The following NFE2L1 variants were observed in gnomAD, a reference collection of about 807,000 sequenced individuals.
NFE2L1 encodes endoplasmic reticulum membrane sensor NFE2L1.
In NFE2L1, 18 loss-of-function variants were observed where a neutral mutation model predicts 61.6. The observed-to-expected ratio is 0.29, with a 90% CI of 0.20 to 0.43. The LOEUF (loss-of-function observed/expected upper bound fraction) is 0.43, where lower values mean the gene tolerates loss of function less well. Ranked by LOEUF, NFE2L1 falls within the 20% of genes least tolerant of loss-of-function variation. NFE2L1 has a pLI of 1.00. For missense variants in NFE2L1, 827 were observed against 973.5 expected (o/e 0.85, Z 2.00); for synonymous variants, 419 against 402.7 (o/e 1.04, Z -0.48).
Position 48,059,359 on chromosome 17 carries a change from C to T in NFE2L1, c.2037C>T (p.Ile679=). ...QNCRKRKLDT[I]LNLERDVEDL... ...GCCGCAAGCGCAAGCTGGACACCAT[C>T]CTGAATCTGGAGCGTGATGTGGAGG... Residue 679 remains isoleucine, a synonymous_variant, in exon 6 of 6, where the codon ATC becomes ATT. Coordinates refer to ENST00000362042, the MANE Select transcript of NFE2L1 (RefSeq NM_003204.3). This position sits in a 1 kb window ranked among gnomAD's most constrained non-coding sequence, Gnocchi z 6.1. 2 of 1,614,198 alleles carry T rather than the reference C, an allele frequency of 1.2e-6. No individual in the cohort carries two copies. Among genetic ancestry groups the T allele is most frequent in the Admixed American group, 3.3e-5 (2 of 60,020 alleles).
At chr17:48,053,195 G>A (rs764409154) in intron 2 of NFE2L1, among the ~76,000 whole-genome samples, 20 of 152,126 alleles carry the variant, frequency 1.3e-4, no homozygotes, top group Non-Finnish European at 2.6e-4. Context: ...GTTCCTGCTG[G>A]GATGGGATGG....
In NFE2L1 at chr17:48,056,579, G is replaced by C; in HGVS notation, c.704G>C (p.Gly235Ala). ...AACCTGCTAGTGGATGGAGAGACTGGGGAGAGCTTCCCTGCACAGGTACCA... is the reference window on the plus strand; with the variant it reads ...AACCTGCTAGTGGATGGAGAGACTGCGGAGAGCTTCCCTGCACAGGTACCA... The part of the protein sequence containing the change: ...ARNLLVDGET[G>A]ESFPAQVPSG... Residue 235 changes from glycine (G) to alanine (A), a missense_variant, in exon 3 of 6, where the codon GGG becomes GCG. By Grantham distance (60) the Gly-to-Ala change is moderately conservative. This residue lies in a region of NFE2L1 where 667 missense variants were observed against 748.4 expected (regional missense o/e 0.89). Transcript: ENST00000362042. 9 of 1,613,246 alleles carry C rather than the reference G, an allele frequency of 5.6e-6. No homozygotes were observed. Among genetic ancestry groups the C allele is most frequent in the Non-Finnish European group, 6.8e-6 (8 of 1,179,888 alleles).
chr17:48,056,978 G>GC, intron 3 of NFE2L1, 54 bp from the exon 4 acceptor site: 2 of 1,576,514 alleles, frequency 1.3e-6, no homozygotes, highest in South Asian at 2.3e-5. Context: ...AGAAGCTTCA[G>GC]CCCCAGGCAG....
chr17:48,056,959 T>C (rs1243860344), intron 3 of NFE2L1, 73 bp from the exon 4 acceptor site: 1 of 1,488,846 alleles, frequency 6.7e-7, no homozygotes, highest in East Asian at 2.3e-5. Flanking sequence ...GCTTCAGCCA[T>C]TCTGGGAAAG....
At chr17:48,050,217 G>A (rs967974054) in intron 1 of NFE2L1, among the ~76,000 whole-genome samples, 12 of 152,188 alleles carry the variant, frequency 7.9e-5, no homozygotes, top group African/African-American at 2.2e-4. Context: ...AGTGGCTCAC[G>A]CCTGTGATCC....
In NFE2L1 at chr17:48,060,715, C is replaced by T. The variant is rs2037531611; in HGVS notation, c.*1074C>T. ...AGCACAACACTGGGGAGTCACCCTT[C>T]CCTCGGGCCTCTGCCTACCAACAAC... On this transcript the variant is annotated 3_prime_UTR_variant, in exon 6 of 6. Coordinates refer to ENST00000362042, the MANE Select transcript of NFE2L1 (RefSeq NM_003204.3). The T allele has an allele frequency of 6.5e-6, 1 of 152,686 alleles. No homozygotes were observed. The highest frequency in any genetic ancestry group is 2.1e-4 in the South Asian group (1 of 4,828). 9.5% of individuals were successfully genotyped at this position (152,686 alleles called of 1,614,324 possible).
At chr17:48,050,106 C>A (rs1835241386) in intron 1 of NFE2L1, among the ~76,000 whole-genome samples, 1 of 152,226 alleles carries the variant, frequency 6.6e-6, no homozygotes, top group African/African-American at 2.4e-5. Flanking sequence ...CAGTAGCTTT[C>A]TTTGATAGTT....
chr17:48,056,075 G>A (rs542723185), intron 2 of NFE2L1: 1 of 334,214 alleles, frequency 3.0e-6, no homozygotes, highest in Admixed American at 4.4e-5. Flanking sequence ...TCTTATGTAG[G>A]GGGGAGGCGG....
At chr17:48,057,750 C>G (rs1301099880) in intron 5 of NFE2L1, among the ~76,000 whole-genome samples, 1 of 152,190 alleles carries the variant, frequency 6.6e-6, no homozygotes, top group Admixed American at 6.5e-5. Context: ...CTGGGTGTGC[C>G]TTCTTCCTTT....
chr17:48,049,544 C>T (rs2037191973), intron 1 of NFE2L1, among the ~76,000 whole-genome samples: 1 of 152,202 alleles, frequency 6.6e-6, no homozygotes, highest in African/African-American at 2.4e-5. Flanking sequence ...AGGCATGCGC[C>T]ACCACGCCCG....
At chr17:48,050,153 C>T (rs904858608) in intron 1 of NFE2L1, among the ~76,000 whole-genome samples, 1 of 151,866 alleles carries the variant, frequency 6.6e-6, no homozygotes, top group African/African-American at 2.4e-5. Flanking sequence ...GGTTTTTTTT[C>T]TGAGAGTGTA....
intron 5 of NFE2L1, among the ~76,000 whole-genome samples, 169 bp from the exon 6 acceptor site, chr17:48,058,126 C>G (rs1383852333): frequency 6.6e-6 from 1 of 152,154 alleles, no homozygotes; most frequent in Non-Finnish European, 1.5e-5. Flanking sequence ...CCCATCTCTG[C>G]CAGGCCTGGT....
rs139971038 is a variant in NFE2L1 at position 48,053,204 on chromosome 17, G to T, written c.510+1576G>T. Among the ~76,000 whole-genome samples the T allele has an allele frequency of 6.6e-5, 10 of 152,244 alleles. No homozygotes were observed. The East Asian group carries it at 1.9e-3, about 29-fold the overall frequency. ...ATATCTGTTCCTGCTGGGATGGGAT[G>T]GGATATTTTGGATATTATTGGGTGG... On this transcript the variant is annotated intron_variant, in intron 2 of 5. Transcript: ENST00000362042.
chr17:48,059,121 A>G lies in NFE2L1; in HGVS notation c.1799A>G (p.Lys600Arg). 1 of 1,614,118 alleles carries G rather than the reference A, an allele frequency of 6.2e-7. No individual in the cohort carries two copies. The highest frequency in any genetic ancestry group is 2.2e-5 in the East Asian group (1 of 44,868). Residue 600 changes from lysine to arginine, a missense_variant, in exon 6 of 6, where the codon AAG becomes AGG. Coordinates refer to ENST00000362042, the MANE Select transcript of NFE2L1 (RefSeq NM_003204.3). The surrounding 1 kb of genome is among the most constrained non-coding windows in gnomAD (Gnocchi z 6.1). ...CCCAGTGCCCTCAAGAAAGGCAGCAAGGAGAAGCAGGCTGACTTCCTGGAC... is the reference window on the plus strand; with the variant it reads ...CCCAGTGCCCTCAAGAAAGGCAGCAGGGAGAAGCAGGCTGACTTCCTGGAC... ...PPPSALKKGS[K>R]EKQADFLDKQ...
At chr17:48,055,094 G>T (rs1247318024) in intron 2 of NFE2L1, 14 of 1,457,228 alleles carry the variant, frequency 9.6e-6, no homozygotes, top group East Asian at 2.8e-5. Context: ...CTCTTTGCTG[G>T]CTGGTCACCG....
chr17:48,056,844 G>T (rs2037414053), intron 3 of NFE2L1, among the ~76,000 whole-genome samples, 188 bp from the exon 4 acceptor site: 2 of 151,720 alleles, frequency 1.3e-5, no homozygotes, highest in African/African-American at 4.9e-5. Context: ...AGAGCATGTA[G>T]CATCTTCCTG....
chr17:48,058,789 C>T lies in NFE2L1; in HGVS notation c.1467C>T (p.Ser489=), dbSNP rs772389506. Reference sequence around the variant, plus strand: ...TAGACTCGAGCCATAGCCCTTCTTCCCTAAGCAGCTCTGAAGGCAGTTCTT... The same window carrying T: ...TAGACTCGAGCCATAGCCCTTCTTCTCTAAGCAGCTCTGAAGGCAGTTCTT... ...LSLDSSHSPS[S]LSSSEGSSSS... is the part of the protein sequence containing the mutation. The change falls in exon 6 of 6, where the codon TCC becomes TCT. Residue 489 remains serine, a synonymous_variant. Coordinates refer to ENST00000362042, the MANE Select transcript of NFE2L1 (RefSeq NM_003204.3). The T allele has an allele frequency of 3.1e-6, 5 of 1,614,168 alleles. No individual in the cohort carries two copies. Among genetic ancestry groups the T allele is most frequent in the Non-Finnish European group, 4.2e-6 (5 of 1,180,032 alleles).
intron 2 of NFE2L1, among the ~76,000 whole-genome samples, chr17:48,052,927 G>A (rs1172940830): frequency 1.3e-5 from 2 of 152,214 alleles, no homozygotes; most frequent in Non-Finnish European, 2.9e-5. Context: ...TGCTTTGAGA[G>A]AGACTAGGAT....
At position 48,060,036 on chromosome 17, in the gene NFE2L1, A is replaced by ACCCCCCC. The variant is rs61059322; in HGVS notation, c.*402_*408dup. On this transcript the variant is annotated 3_prime_UTR_variant, in exon 6 of 6. Coordinates refer to ENST00000362042, the MANE Select transcript of NFE2L1 (RefSeq NM_003204.3). ...AGGGATAGAAGGAAGGAAGGAAGGA[A>ACCCCCCC]CCCCCCCCCCCCCGAAAAAAAAATC... is the stretch of plus-strand genomic sequence containing the variant. 7 of 40,850 alleles carry ACCCCCCC rather than the reference A, an allele frequency of 1.7e-4. No individual in the cohort carries two copies. Among genetic ancestry groups the ACCCCCCC allele is most frequent in the East Asian group, 1.5e-3 (1 of 686 alleles). 2.5% of individuals were successfully genotyped at this position (40,850 alleles called of 1,614,324 possible).
Sources: gnomAD v4.1 joint callset for allele counts (sites outside exome capture counted in the v4.1 genomes callset) on GRCh38, gnomAD v4.1.1 for gene constraint, gnomAD v4.1.1 regional missense constraint, Gnocchi (gnomAD v3.1) non-coding constraint, MANE v1.5 for transcripts, NCBI Gene and HGNC (gene_info 2026-07-23, HGNC 2026-07-21) for gene names.